Variants in CSGALNACT1 observed in about 807,000 individuals in gnomAD.
CSGALNACT1 encodes the protein beta4GalNAcT-1.
CSGALNACT1 carries 52 observed loss-of-function variants against 51.0 expected under a neutral mutation model. That is an observed-to-expected ratio of 1.02 (90% CI 0.82 to 1.29). The LOEUF is 1.29. CSGALNACT1 is among the 50% of genes most tolerant of loss of function. The pLI is 0.00. For missense variants in CSGALNACT1, 935 were observed against 679.2 expected, an observed-to-expected ratio of 1.38 and a Z score of -4.19; for synonymous variants, 341 against 254.4, an observed-to-expected ratio of 1.34 and a Z score of -3.24.
At chr8:19,699,704 G>T (rs2154219714) in intron 1 of CSGALNACT1, among the ~76,000 whole-genome samples, 1 of 152,320 alleles carries the variant, frequency 6.6e-6, no homozygotes, top group Middle Eastern at 3.4e-3. Context: ...TCTAGAAATG[G>T]ATGGCAGTGA....
chr8:19,743,888 T>C (rs1488073621), intron 1 of CSGALNACT1, among the ~76,000 whole-genome samples: 2 of 152,188 alleles, frequency 1.3e-5, no homozygotes, highest in African/African-American at 4.8e-5. Flanking sequence ...ATAATTTCTC[T>C]TAATGGCCCA....
intron 1 of CSGALNACT1, among the ~76,000 whole-genome samples, chr8:19,654,892 A>G (rs979466090): frequency 1.3e-5 from 2 of 152,130 alleles, no homozygotes; most frequent in Non-Finnish European, 2.9e-5. Flanking sequence ...AGTATCGAAT[A>G]AAGCAAAATA....
chr8:19,755,579 A>G (rs2065319717), intron 1 of CSGALNACT1, among the ~76,000 whole-genome samples: 1 of 151,910 alleles, frequency 6.6e-6, no homozygotes, highest in Admixed American at 6.6e-5. Flanking sequence ...GGTGAGGAAT[A>G]CTATTGGCAT....
intron 1 of CSGALNACT1, among the ~76,000 whole-genome samples, chr8:19,632,674 T>A (rs570843262): frequency 3.3e-5 from 5 of 152,156 alleles, no homozygotes; most frequent in Non-Finnish European, 7.3e-5. Flanking sequence ...AATACTCACA[T>A]CTCAGCAGTG....
At chr8:19,594,123 A>G (rs1293717235) in intron 2 of CSGALNACT1, among the ~76,000 whole-genome samples, 1 of 152,208 alleles carries the variant, frequency 6.6e-6, no homozygotes, top group African/African-American at 2.4e-5. Flanking sequence ...AAAGTTCACC[A>G]CTTACAACAG....
intron 1 of CSGALNACT1, among the ~76,000 whole-genome samples, chr8:19,689,777 T>G (rs1305825912): frequency 6.6e-6 from 1 of 152,174 alleles, no homozygotes; most frequent in Admixed American, 6.5e-5. Context: ...GAGAGAGAGA[T>G]GCTAGTTAAA....
At chr8:19,629,778 G>A (rs969876347) in intron 1 of CSGALNACT1, among the ~76,000 whole-genome samples, 1 of 152,140 alleles carries the variant, frequency 6.6e-6, no homozygotes, top group Non-Finnish European at 1.5e-5. Context: ...TCTTTCAGGA[G>A]CTCCATTTTG....
intron 4 of CSGALNACT1, among the ~76,000 whole-genome samples, chr8:19,486,968 G>T (rs1230734738): frequency 6.6e-6 from 1 of 152,170 alleles, no homozygotes; most frequent in Non-Finnish European, 1.5e-5. Flanking sequence ...TGTGTCAATG[G>T]ATAGCAGGAT....
intron 1 of CSGALNACT1, among the ~76,000 whole-genome samples, chr8:19,724,385 G>T (rs1171278796): frequency 1.3e-5 from 2 of 152,156 alleles, no homozygotes; most frequent in Admixed American, 6.5e-5. Context: ...GGCTGTGGTT[G>T]GTGGCTCCTG....
At chr8:19,647,099 T>G (rs1383544674) in intron 1 of CSGALNACT1, among the ~76,000 whole-genome samples, 1 of 152,082 alleles carries the variant, frequency 6.6e-6, no homozygotes, top group Admixed American at 6.6e-5. Flanking sequence ...CAGGCCACCC[T>G]GAAGGTCAGC....
chr8:19,711,878 T>A (rs2062526001), intron 1 of CSGALNACT1, among the ~76,000 whole-genome samples: 1 of 152,188 alleles, frequency 6.6e-6, no homozygotes. Flanking sequence ...ACTGGGATGG[T>A]CACTTTTCAA....
At chr8:19,410,416 T>A (rs1265794069) in intron 8 of CSGALNACT1, among the ~76,000 whole-genome samples, 1 of 152,230 alleles carries the variant, frequency 6.6e-6, no homozygotes, top group African/African-American at 2.4e-5. Context: ...TTGCAGCGAA[T>A]AGACTAATAT....
intron 1 of CSGALNACT1, among the ~76,000 whole-genome samples, chr8:19,677,623 A>G (rs9987322): frequency 0.1 from 15,786 of 152,198 alleles, 1,337 homozygotes; most frequent in African/African-American, 0.23. Context: ...AAATCAGTCT[A>G]TAAGTTCAGA....
At chr8:19,617,590 G>A in intron 1 of CSGALNACT1, among the ~76,000 whole-genome samples, 1 of 152,082 alleles carries the variant, frequency 6.6e-6, no homozygotes, top group East Asian at 1.9e-4. Flanking sequence ...GTCCTACAGA[G>A]ATATACATTT....
chr8:19,710,544 C>T (rs1331025541), intron 1 of CSGALNACT1, among the ~76,000 whole-genome samples: 1 of 152,056 alleles, frequency 6.6e-6, no homozygotes, highest in Non-Finnish European at 1.5e-5. Flanking sequence ...CATTTAAAAA[C>T]AAATCTGAAG....
intron 9 of CSGALNACT1, among the ~76,000 whole-genome samples, 184 bp downstream of exon 8, chr8:19,408,429 G>C (rs1441610715): frequency 6.7e-6 from 1 of 149,360 alleles, no homozygotes; most frequent in Admixed American, 6.7e-5. Flanking sequence ...CAAAGCACTG[G>C]GATTACAGGT....
intron 1 of CSGALNACT1, among the ~76,000 whole-genome samples, chr8:19,615,878 A>G (rs565756947): frequency 1.5e-4 from 23 of 152,370 alleles, no homozygotes; most frequent in South Asian, 1.2e-3. Context: ...AAAAACGTCA[A>G]CCTCATTAAT....
chr8:19,608,661 C>T (rs529142222), intron 1 of CSGALNACT1, among the ~76,000 whole-genome samples: 2 of 152,286 alleles, frequency 1.3e-5, no homozygotes, highest in South Asian at 2.1e-4. Flanking sequence ...GTTTGAGATG[C>T]AGAATGAGTA....
chr8:19,640,139 T>C (rs1342132085), intron 1 of CSGALNACT1, among the ~76,000 whole-genome samples: 4 of 152,190 alleles, frequency 2.6e-5, no homozygotes, highest in African/African-American at 7.2e-5. Flanking sequence ...AGGTATTTTA[T>C]TTCCCTCAAT....
Sources: gnomAD v4.1 joint callset for allele counts (sites outside exome capture counted in the v4.1 genomes callset) on GRCh38, gnomAD v4.1.1 for gene constraint, MANE v1.5 for transcripts, NCBI Gene and HGNC (gene_info 2026-07-23, HGNC 2026-07-21) for gene names.